PHACTR1: variants seen among roughly 807,000 people sequenced by gnomAD.
The protein encoded by PHACTR1 is RPEL repeat containing 1.
PHACTR1 carries 16 observed loss-of-function variants against 69.2 expected under a neutral mutation model. That is an observed-to-expected ratio of 0.23 (90% CI 0.16 to 0.35). The LOEUF is 0.35. Among genes scored for constraint, PHACTR1 ranks in the 10% least tolerant of loss-of-function variants. The probability of loss-of-function intolerance (pLI) is 1.00; values close to 1 mark genes in which losing one functional copy is unlikely to be tolerated. For missense variants in PHACTR1, 510 were observed against 734.7 expected, an observed-to-expected ratio of 0.69 and a Z score of 3.54; for synonymous variants, 312 against 284.5, an observed-to-expected ratio of 1.10 and a Z score of -0.97.
At position 13,197,063 on chromosome 6, in the gene PHACTR1, T is replaced by C. The variant is rs139828396; in HGVS notation, c.665-8752T>C. Among the ~76,000 whole-genome samples, 481 of 152,350 alleles carry C rather than the reference T, an allele frequency of 3.2e-3. 2 individuals are homozygous for C. Among genetic ancestry groups the C allele is most frequent in the Middle Eastern group, 0.01 (3 of 294 alleles). On this transcript the variant is annotated intron_variant, in intron 7 of 14. Coordinates refer to ENST00000332995, the MANE Select transcript of PHACTR1 (RefSeq NM_030948.6). ...GCAACACTGCAGCTATATAAGGTAC[T>C]TTGCAATTTACAAAGCACGTTCACG...
Position 13,255,256 on chromosome 6 carries a change from A to C in PHACTR1, c.1392-17604A>C, listed in dbSNP as rs566674774. Among the ~76,000 whole-genome samples the C allele has an allele frequency of 7.4e-4, 112 of 152,330 alleles. 1 individual carries two copies. Among genetic ancestry groups the C allele is most frequent in the African/African-American group, 2.4e-3 (100 of 41,572 alleles). On this transcript the variant is annotated intron_variant, in intron 10 of 14. Coordinates refer to ENST00000332995, the MANE Select transcript of PHACTR1 (RefSeq NM_030948.6). Reference sequence around the variant, plus strand: ...GAACTCATTCACTATCAGGAGAACAACACCAAGGGGAAGGTGCTAACCCAT... The same window carrying C: ...GAACTCATTCACTATCAGGAGAACACCACCAAGGGGAAGGTGCTAACCCAT...
intron 8 of PHACTR1, among the ~76,000 whole-genome samples, chr6:13,220,153 C>T (rs773375718): frequency 1.3e-5 from 2 of 152,192 alleles, no homozygotes; most frequent in Non-Finnish European, 2.9e-5. Flanking sequence ...GAAAGATGCT[C>T]CTGCTCCTTC....
intron 10 of PHACTR1, chr6:13,230,495 G>A (rs951204744): frequency 5.7e-5 from 19 of 335,454 alleles, no homozygotes; most frequent in Non-Finnish European, 8.7e-5. Context: ...CCAGTGAGCC[G>A]AGATCACACC....
chr6:13,216,161 C>CT (rs1374987814), intron 8 of PHACTR1, among the ~76,000 whole-genome samples: 1 of 152,206 alleles, frequency 6.6e-6, no homozygotes, highest in Non-Finnish European at 1.5e-5. Flanking sequence ...CTCTAGAATT[C>CT]TATTATCCCA....
At chr6:12,944,786 TA>T (rs11290235) in intron 4 of PHACTR1, among the ~76,000 whole-genome samples, 3,202 of 118,058 alleles carry the variant, frequency 0.027, 109 homozygotes, top group African/African-American at 0.099. Flanking sequence ...TATTTTTATT[TA>T]TTTTTTTTTT....
intron 6 of PHACTR1, among the ~76,000 whole-genome samples, chr6:13,163,907 T>A (rs1242085080): frequency 6.6e-6 from 1 of 152,256 alleles, no homozygotes; most frequent in Non-Finnish European, 1.5e-5. Context: ...AGGGTTAACA[T>A]GCTGTGATTG....
At chr6:13,193,057 C>T (rs545462804) in intron 7 of PHACTR1, among the ~76,000 whole-genome samples, 2 of 152,104 alleles carry the variant, frequency 1.3e-5, no homozygotes, top group South Asian at 2.1e-4. Flanking sequence ...GACAGTCATC[C>T]ATATTGGTCA....
At chr6:12,968,801 A>T (rs769389658) in intron 4 of PHACTR1, among the ~76,000 whole-genome samples, 2 of 152,226 alleles carry the variant, frequency 1.3e-5, no homozygotes, top group African/African-American at 2.4e-5. Context: ...CTAGAGTTCA[A>T]TGAAGGCATT....
At chr6:12,829,081 A>G (rs1349387578) in intron 4 of PHACTR1, among the ~76,000 whole-genome samples, 1 of 152,192 alleles carries the variant, frequency 6.6e-6, no homozygotes, top group Non-Finnish European at 1.5e-5. Context: ...GTGTGCCATT[A>G]TTATGTGCCA....
In PHACTR1 at chr6:13,258,800, A is replaced by C. The variant is rs142258559; in HGVS notation, c.1392-14060A>C. On this transcript the variant is annotated intron_variant, in intron 10 of 14. Transcript: ENST00000332995. ...TCTTTATTGGAAAGGAGCAGGGAAA[A>C]GCAAAGGCTAAATTTTAGTTTTTAA... 7.1e-3 allele frequency among the ~76,000 whole-genome samples: 1,077 copies of C among 152,374 alleles called. 11 individuals carry two copies. The highest frequency in any genetic ancestry group is 0.037 in the East Asian group (191 of 5,190).
At chr6:12,806,747 C>G (rs1774386167) in intron 4 of PHACTR1, among the ~76,000 whole-genome samples, 1 of 152,042 alleles carries the variant, frequency 6.6e-6, no homozygotes, top group African/African-American at 2.4e-5. Flanking sequence ...TAAAACAGAT[C>G]TGCATTATAC....
At chr6:12,799,539 C>T (rs1414332419) in intron 4 of PHACTR1, among the ~76,000 whole-genome samples, 1 of 152,124 alleles carries the variant, frequency 6.6e-6, no homozygotes, top group Non-Finnish European at 1.5e-5. Context: ...AGTAATTTCA[C>T]AGGAAATGAA....
chr6:13,011,738 G>A (rs757758748), intron 4 of PHACTR1, among the ~76,000 whole-genome samples: 2 of 152,204 alleles, frequency 1.3e-5, no homozygotes, highest in Non-Finnish European at 2.9e-5. Flanking sequence ...ACACATTTAC[G>A]GAAACATGTA....
chr6:13,151,417 A>G (rs948023868), intron 5 of PHACTR1, among the ~76,000 whole-genome samples: 1 of 152,192 alleles, frequency 6.6e-6, no homozygotes, highest in Non-Finnish European at 1.5e-5. Context: ...TTCCATCAGT[A>G]CTGGGAGCAC....
intron 4 of PHACTR1, among the ~76,000 whole-genome samples, chr6:12,944,475 A>G (rs1425267329): frequency 1.3e-5 from 2 of 152,232 alleles, no homozygotes; most frequent in African/African-American, 4.8e-5. Flanking sequence ...TTAGAAACAA[A>G]ATTAATACAA....
chr6:13,278,249 T>C lies in PHACTR1; in HGVS notation c.1448-19T>C, dbSNP rs1305507619. The C allele has an allele frequency of 1.3e-6, 2 of 1,566,562 alleles. No homozygotes were observed. The highest frequency in any genetic ancestry group is 1.9e-5 in the Admixed American group (1 of 52,604). ...CACTGTTTACTGAAATAAAAAAACATCTTAAATATTTTTTTTAGCTCGGAA... is the reference window on the plus strand; with the variant it reads ...CACTGTTTACTGAAATAAAAAAACACCTTAAATATTTTTTTTAGCTCGGAA... On this transcript the variant is annotated intron_variant, in intron 11 of 14. Coordinates refer to ENST00000332995, the MANE Select transcript of PHACTR1 (RefSeq NM_030948.6).
chr6:13,090,850 T>C (rs1813141969), intron 5 of PHACTR1, among the ~76,000 whole-genome samples: 1 of 152,172 alleles, frequency 6.6e-6, no homozygotes, highest in Non-Finnish European at 1.5e-5. Context: ...TTCTGCAGAC[T>C]GGGGGCAGCA....
intron 4 of PHACTR1, among the ~76,000 whole-genome samples, chr6:12,967,677 C>T (rs950399840): frequency 6.6e-6 from 1 of 152,288 alleles, no homozygotes; most frequent in East Asian, 1.9e-4. Context: ...TCTTCTTAAA[C>T]TTCCATTCCC....
At chr6:13,057,015 A>G (rs1426470721) in intron 5 of PHACTR1, among the ~76,000 whole-genome samples, 1 of 152,202 alleles carries the variant, frequency 6.6e-6, no homozygotes, top group East Asian at 1.9e-4. Flanking sequence ...GGAAGGGAGA[A>G]CGAAGAGAAG....
Sources: allele counts gnomAD v4.1 joint callset (sites outside exome capture counted in the v4.1 genomes callset), GRCh38; gene constraint gnomAD v4.1.1; transcripts MANE v1.5; gene names NCBI Gene and HGNC (gene_info 2026-07-23, HGNC 2026-07-21).